ZEB1: variants seen among roughly 807,000 people sequenced by gnomAD.
The protein encoded by ZEB1 is zinc finger E-box binding homeobox 1.
Under a neutral mutation model 84.9 loss-of-function variants are expected in ZEB1, and 21 were observed. That is an observed-to-expected ratio of 0.25 (90% CI 0.18 to 0.36). The LOEUF (loss-of-function observed/expected upper bound fraction) is 0.36. Among genes scored for constraint, ZEB1 ranks in the 10% least tolerant of loss-of-function variants. The pLI is 1.00. For missense variants in ZEB1, 1,104 were observed against 1,330.2 expected (o/e 0.83, Z 2.65); for synonymous variants, 420 against 471.1 (o/e 0.89, Z 1.41).
Position 31,399,492 on chromosome 10 carries a change from T to C in ZEB1, c.59-61545T>C, listed in dbSNP as rs549771174. On this transcript the variant is annotated intron_variant, in intron 1 of 8. Coordinates refer to ENST00000424869, the MANE Select transcript of ZEB1 (RefSeq NM_001174096.2). The stretch of plus-strand genomic sequence containing the variant: ...ACATTTCTGTTACCAAAATATTATC[T>C]TGCTTCTGTCCCAAAAATATTTCTG... 3.9e-5 allele frequency among the ~76,000 whole-genome samples: 6 copies of C among 152,246 alleles called. No homozygotes were observed. The East Asian group carries it at 9.7e-4, about 25-fold the overall frequency.
chr10:31,410,014 G>A (rs145847254), intron 1 of ZEB1, among the ~76,000 whole-genome samples: 1,922 of 152,138 alleles, frequency 0.013, 15 homozygotes, highest in African/African-American at 0.032. Flanking sequence ...TTTCTCTTGC[G>A]TGATTGCCCA....
At chr10:31,319,076 C>T (rs2032905015), upstream of ZEB1, 2 of 668,106 alleles carry the variant, frequency 3.0e-6, no homozygotes, top group South Asian at 1.7e-5. Context: ...GGCCGTAGAG[C>T]GAGAGCCTCT....
rs575857204 is a variant in ZEB1, at chr10:31,426,465, C to T, written c.59-34572C>T. On this transcript the variant is annotated intron_variant, in intron 1 of 8. Coordinates refer to ENST00000424869, the MANE Select transcript of ZEB1 (RefSeq NM_001174096.2). ...CTTTTCTTAAAAGACAGTTTTATAT[C>T]GGTAACCTCACTCTAAAGTCTGTAG... Among the ~76,000 whole-genome samples the T allele has an allele frequency of 1.9e-4, 29 of 152,238 alleles. No individual in the cohort carries two copies. In the South Asian group the frequency reaches 2.7e-3, roughly 14 times the overall value.
intron 1 of ZEB1, among the ~76,000 whole-genome samples, chr10:31,349,446 A>G (rs549753983): frequency 2.0e-4 from 31 of 152,254 alleles, no homozygotes; most frequent in African/African-American, 7.5e-4. Flanking sequence ...TATTGGTGAG[A>G]CTGGTGGATC....
chr10:31,383,244 A>G (rs976016643), intron 1 of ZEB1, among the ~76,000 whole-genome samples: 1 of 152,170 alleles, frequency 6.6e-6, no homozygotes, highest in Admixed American at 6.5e-5. Context: ...GCACTATCCA[A>G]TATGTAGCCA....
intron 2 of ZEB1, among the ~76,000 whole-genome samples, chr10:31,478,745 A>G (rs1385900024): frequency 6.6e-6 from 1 of 151,914 alleles, no homozygotes; most frequent in African/African-American, 2.4e-5. Flanking sequence ...ACTAAGTGAA[A>G]TAACTCAGTA....
At chr10:31,321,201 G>T in intron 1 of ZEB1, 2 of 1,103,742 alleles carry the variant, frequency 1.8e-6, no homozygotes, top group Non-Finnish European at 2.2e-6. Context: ...TTTAGATTTT[G>T]TGTGGGATTT....
intron 1 of ZEB1, among the ~76,000 whole-genome samples, chr10:31,332,747 T>A (rs1259538333): frequency 1.3e-5 from 2 of 152,196 alleles, no homozygotes; most frequent in African/African-American, 4.8e-5. Context: ...ACCTTTATCA[T>A]GTTTCAACCT....
In ZEB1 at chr10:31,319,307, G is replaced by GGACCGGGGAGCGGCGGA. The variant is rs780207013; in HGVS notation, c.58+17_58+33dup. ...GCGCAATAACGGTGAGTGGCGGAGG[G>GGACCGGGGAGCGGCGGA]GACCGGGGAGCGGCGGAGTCAGGGG... On this transcript the variant is annotated intron_variant, in intron 1 of 8. Coordinates refer to ENST00000424869, the MANE Select transcript of ZEB1 (RefSeq NM_001174096.2). 1 of 1,604,668 alleles carries GGACCGGGGAGCGGCGGA rather than the reference G, an allele frequency of 6.2e-7. No homozygotes were observed.
At chr10:31,321,688 C>T (rs765006138) in intron 1 of ZEB1, 5 of 1,059,244 alleles carry the variant, frequency 4.7e-6, no homozygotes, top group Non-Finnish European at 7.3e-6. Flanking sequence ...TTTACCTGAA[C>T]AGGAAAGAAT....
chr10:31,495,904 G>A (rs947904267), intron 3 of ZEB1, 66 bp downstream of exon 3: 16 of 1,532,806 alleles, frequency 1.0e-5, no homozygotes, highest in Middle Eastern at 1.7e-4. Flanking sequence ...CACTGATTTC[G>A]CATTTGTGAG....
Position 31,521,008 on chromosome 10 carries a change from C to T in ZEB1, c.1676C>T (p.Pro559Leu), listed in dbSNP as rs1335764562. 1.2e-6 allele frequency: 2 copies of T among 1,614,080 alleles called. No homozygotes were observed. The highest frequency in any genetic ancestry group is 2.2e-5 in the East Asian group (1 of 44,852). ...TATGACCTAAAGCAGCCTACTCAGCCTCCTCCACTCCCTGCAGCAGAAGCT... is the reference window on the plus strand; with the variant it reads ...TATGACCTAAAGCAGCCTACTCAGCTTCCTCCACTCCCTGCAGCAGAAGCT... The part of the protein sequence containing the change: ...KHYDLKQPTQ[P>L]PPLPAAEAEK... Residue 559 changes from proline to leucine, a missense_variant, in exon 7 of 9, where the codon CCT (proline) becomes CTT (leucine). Physicochemically the swap from Pro to Leu is moderately conservative, Grantham distance 98. Around this residue, in one of 7 missense-constraint regions of ZEB1, gnomAD observed 531 missense variants for 575.2 expected, o/e 0.92. Coordinates refer to ENST00000424869, the MANE Select transcript of ZEB1 (RefSeq NM_001174096.2).
chr10:31,488,650 G>T (rs186935590), intron 2 of ZEB1, among the ~76,000 whole-genome samples: 1 of 150,320 alleles, frequency 6.7e-6, no homozygotes. Context: ...TTCTTTTCTA[G>T]CACAAGCATT....
At chr10:31,413,028 A>G (rs1184979521) in intron 1 of ZEB1, among the ~76,000 whole-genome samples, 1 of 152,154 alleles carries the variant, frequency 6.6e-6, no homozygotes, top group African/African-American at 2.4e-5. Context: ...GGACAAAATG[A>G]TTTTCATTTA....
At chr10:31,450,134 T>A (rs902234790) in intron 1 of ZEB1, among the ~76,000 whole-genome samples, 8 of 152,216 alleles carry the variant, frequency 5.3e-5, no homozygotes, top group African/African-American at 1.2e-4. Flanking sequence ...CAAAATTGCA[T>A]TGAATTTATA....
chr10:31,444,240 A>G (rs223552), intron 1 of ZEB1, among the ~76,000 whole-genome samples: 75,098 of 81,384 alleles, frequency 0.92, 34,745 homozygotes, highest in East Asian at 1. Flanking sequence ...CATGTCCTTC[A>G]CCCACTTTTT....
At chr10:31,339,383 T>C (rs1247932948) in intron 1 of ZEB1, among the ~76,000 whole-genome samples, 3 of 152,194 alleles carry the variant, frequency 2.0e-5, no homozygotes, top group Non-Finnish European at 2.9e-5. Context: ...GTATTTCCTG[T>C]CTCTTTGCAC....
At chr10:31,488,147 G>A (rs562808561) in intron 2 of ZEB1, among the ~76,000 whole-genome samples, 1 of 150,854 alleles carries the variant, frequency 6.6e-6, no homozygotes, top group Non-Finnish European at 1.5e-5. Flanking sequence ...ATTTAAATTG[G>A]TGTTATTTCT....
At chr10:31,454,517 A>G (rs1461123390) in intron 1 of ZEB1, among the ~76,000 whole-genome samples, 1 of 152,138 alleles carries the variant, frequency 6.6e-6, no homozygotes, top group East Asian at 1.9e-4. Flanking sequence ...TATTTAGAAA[A>G]CCCCTTTGTC....
Sources: allele counts gnomAD v4.1 joint callset (sites outside exome capture counted in the v4.1 genomes callset), GRCh38; gene constraint gnomAD v4.1.1; regional missense constraint gnomAD v4.1.1; transcripts MANE v1.5; gene names NCBI Gene and HGNC (gene_info 2026-07-23, HGNC 2026-07-21).